The following ZNF488 variants were observed in gnomAD, a reference collection of about 807,000 sequenced individuals.
ZNF488 encodes zinc finger protein 488.
A neutral mutation model predicts 1.2 loss-of-function variants in ZNF488; 1 was observed. The observed-to-expected ratio is 0.86, with a 90% CI of 0.30 to 4.07. The LOEUF (loss-of-function observed/expected upper bound fraction) is 4.07. Among genes scored for constraint, ZNF488 ranks in the 30% most tolerant of loss-of-function variants. ZNF488 has a pLI of 0.18. For synonymous variants in ZNF488, 185 were observed against 190.1 expected (o/e 0.97, Z 0.22); for missense variants, 450 against 437.9 (o/e 1.03, Z -0.25).
At chr10:47,375,528 G>T (rs1326718818) in intron 1 of ZNF488, among the ~76,000 whole-genome samples, 1 of 152,200 alleles carries the variant, frequency 6.6e-6, no homozygotes, top group Non-Finnish European at 1.5e-5. Context: ...TGTCAATAAT[G>T]CAGATTAAAC....
Position 47,367,636 on chromosome 10 carries a change from A to G in ZNF488, c.*171T>C. On this transcript the variant is annotated 3_prime_UTR_variant, in exon 2 of 2. Transcript: ENST00000585316. Reference sequence around the variant, plus strand: ...ATTTCAGGACTTCATTTCCTTCAAAACACATCATGCAGGTGTGGCTTTTTC... The same window carrying G: ...ATTTCAGGACTTCATTTCCTTCAAAGCACATCATGCAGGTGTGGCTTTTTC... 1.3e-6 allele frequency: 1 copy of G among 752,734 alleles called. No homozygotes were observed. The allele number at this position is 752,734 out of a possible 1,614,324, so 46.6% of individuals were successfully genotyped here. A position where few individuals can be genotyped will look rare whatever the true frequency, so the allele number is the denominator to read the frequency against.
intron 1 of ZNF488, among the ~76,000 whole-genome samples, chr10:47,379,901 G>A (rs1447128199): frequency 6.6e-6 from 1 of 151,622 alleles, no homozygotes; most frequent in African/African-American, 2.4e-5. Flanking sequence ...CACACACACT[G>A]CAGCCCACGC....
rs868983235 is a variant in ZNF488, at chr10:47,367,428, G to C, written c.*379C>G. Reference sequence around the variant, plus strand: ...ACAGTGTTATCATCTCCATTTCACAGATGAGAAAATGGGGACTCAGCAGGT... The same window carrying C: ...ACAGTGTTATCATCTCCATTTCACACATGAGAAAATGGGGACTCAGCAGGT... On this transcript the variant is annotated 3_prime_UTR_variant, in exon 2 of 2. Coordinates refer to ENST00000585316, the MANE Select transcript of ZNF488 (RefSeq NM_153034.4). The C allele has an allele frequency of 4.1e-6, 1 of 246,624 alleles. No individual in the cohort carries two copies. Among genetic ancestry groups the C allele is most frequent in the African/African-American group, 2.3e-5 (1 of 43,700 alleles). The allele number at this position is 246,624 out of a possible 1,614,324, so 15.3% of individuals were successfully genotyped here.
In ZNF488 at chr10:47,376,832, AT is replaced by A. The variant is rs1354216372; in HGVS notation, c.-109+7387del. Reference sequence around the variant, plus strand: ...TTATAGATGTCCTCCAGTGGAAATTATAACCCAGTGCTATTTCCCTCCAGAG... The same window carrying A: ...TTATAGATGTCCTCCAGTGGAAATTAAACCCAGTGCTATTTCCCTCCAGAG... On this transcript the variant is annotated intron_variant, in intron 1 of 1. Transcript: ENST00000585316. Among the ~76,000 whole-genome samples, 3 of 152,238 alleles carry A rather than the reference AT, an allele frequency of 2.0e-5. No homozygotes were observed. In the East Asian group the frequency reaches 5.8e-4, roughly 29 times the overall value.
At chr10:47,372,627 T>C (rs1330760744) in intron 1 of ZNF488, among the ~76,000 whole-genome samples, 2 of 152,184 alleles carry the variant, frequency 1.3e-5, no homozygotes, top group Non-Finnish European at 2.9e-5. Context: ...ACCTCCATCG[T>C]TGCCCCAAAT....
chr10:47,369,034 C>G lies in ZNF488; in HGVS notation c.-108-97G>C, dbSNP rs1044828904. The G allele has an allele frequency of 1.8e-5, 11 of 597,516 alleles. No individual in the cohort carries two copies. In the East Asian group the frequency reaches 3.3e-4, roughly 18 times the overall value. The allele number at this position is 597,516 out of a possible 1,614,324, so 37.0% of individuals were successfully genotyped here. A position where few individuals can be genotyped will look rare whatever the true frequency, so the allele number is the denominator to read the frequency against. ...ATCAGACAGGACCCTGATGCTCAGG[C>G]CTCCTCCGCTGTCTGTGGGATGGGT... On this transcript the variant is annotated intron_variant, in intron 1 of 1. Transcript: ENST00000585316.
rs1837252597 is a variant in ZNF488 at position 47,367,280 on chromosome 10, T to A, written c.*527A>T. ...TTGTCTGCCATGGAGATCTTGTTAA[T>A]AACAATAGCTAACTAGTACAGACAT... On this transcript the variant is annotated 3_prime_UTR_variant, in exon 2 of 2. Transcript: ENST00000585316. 5.9e-6 allele frequency: 1 copy of A among 168,428 alleles called. No individual in the cohort carries two copies. The allele number at this position is 168,428 out of a possible 1,614,324, so 10.4% of individuals were successfully genotyped here.
Position 47,367,591 on chromosome 10 carries a change from T to G in ZNF488, c.*216A>C. ...TGCCTGTTAGGGCCTCTACCCTGGA[T>G]TTGCAAAGCCCATCACTTTATTTCA... On this transcript the variant is annotated 3_prime_UTR_variant, in exon 2 of 2. Transcript: ENST00000585316. The G allele has an allele frequency of 1.6e-6, 1 of 628,944 alleles. No homozygotes were observed. Among genetic ancestry groups the G allele is most frequent in the Admixed American group, 3.2e-5 (1 of 30,850 alleles). 39.0% of individuals were successfully genotyped at this position (628,944 alleles called of 1,614,324 possible).
chr10:47,374,585 G>T (rs1837604536), intron 1 of ZNF488, among the ~76,000 whole-genome samples: 2 of 152,166 alleles, frequency 1.3e-5, no homozygotes, highest in Admixed American at 6.5e-5. Flanking sequence ...CTATCATGCA[G>T]CTCATTAAAT....
chr10:47,371,831 G>A (rs77532874), intron 1 of ZNF488, among the ~76,000 whole-genome samples: 210 of 152,158 alleles, frequency 1.4e-3, no homozygotes, highest in African/African-American at 4.9e-3. Context: ...TAGCCCCCAC[G>A]CTGGAGTGCT....
chr10:47,380,637 C>A (rs139437173), intron 1 of ZNF488, among the ~76,000 whole-genome samples: 112 of 152,398 alleles, frequency 7.3e-4, no homozygotes, highest in African/African-American at 2.7e-3. Context: ...GCACACTGAT[C>A]ATTCACTCAT....
chr10:47,368,811 A>G lies in ZNF488; in HGVS notation c.19T>C (p.Cys7Arg), dbSNP rs782412527. Residue 7 changes from cysteine (C) to arginine (R), a missense_variant, in exon 2 of 2, where the codon TGC becomes CGC. Transcript: ENST00000585316. The part of the protein sequence containing the change: MPEWPP[C>R]LSVAPALVIT... ...ACCAGGGCCGGGGCCACAGATAAGC[A>G]AGGTGGCCACTCTGGCATTCATCAG... 4.4e-6 allele frequency: 7 copies of G among 1,594,438 alleles called. No homozygotes were observed. The East Asian group carries it at 1.6e-4, about 36-fold the overall frequency.
Position 47,368,901 on chromosome 10 carries a change from C to T in ZNF488, c.-72G>A. ...AGGAGCCATGAGATATGGAAGCTCC[C>T]CATGACACTGGGCTGGACACACTCG... On this transcript the variant is annotated 5_prime_UTR_variant, in exon 2 of 2. Coordinates refer to ENST00000585316, the MANE Select transcript of ZNF488 (RefSeq NM_153034.4). 6.6e-7 allele frequency: 1 copy of T among 1,510,280 alleles called. No individual in the cohort carries two copies. 93.6% of individuals were successfully genotyped at this position (1,510,280 alleles called of 1,614,324 possible).
At chr10:47,375,006 T>C (rs1239861950) in intron 1 of ZNF488, among the ~76,000 whole-genome samples, 4 of 152,202 alleles carry the variant, frequency 2.6e-5, no homozygotes, top group Admixed American at 2.6e-4. Flanking sequence ...AATGACAGTA[T>C]CTGTTACTGT....
rs782396208 is a variant in ZNF488 at position 47,368,121 on chromosome 10, G to A, written c.709C>T (p.Pro237Ser). 10 of 1,614,194 alleles carry A rather than the reference G, an allele frequency of 6.2e-6. No individual in the cohort carries two copies. The highest frequency in any genetic ancestry group is 1.6e-4 in the Middle Eastern group (1 of 6,062). The change falls in exon 2 of 2, where the codon CCT becomes TCT. Residue 237 changes from proline (P) to serine (S), a missense_variant. Pro to Ser is a moderately conservative substitution (Grantham distance 74). Transcript: ENST00000585316. ...TGGGTATGCTCCAGCCACAGTGTAG[G>A]GGCACCCAGAAAAGTGCTACAGAGT... ...APLCSTFLGA[P>S]TLWLEHTQAQ... is the part of the protein sequence containing the mutation.
At chr10:47,371,504 C>G in intron 1 of ZNF488, among the ~76,000 whole-genome samples, 1 of 152,188 alleles carries the variant, frequency 6.6e-6, no homozygotes, top group East Asian at 1.9e-4. Flanking sequence ...CCATATAATA[C>G]ACTATATATG....
intron 1 of ZNF488, among the ~76,000 whole-genome samples, chr10:47,381,438 A>G (rs1211594066): frequency 6.6e-6 from 1 of 152,002 alleles, no homozygotes; most frequent in Non-Finnish European, 1.5e-5. Context: ...GGGGTTTCCT[A>G]AGAAAGGGAA....
chr10:47,384,267 C>G lies in ZNF488; in HGVS notation c.-156G>C, dbSNP rs1322128706. On this transcript the variant is annotated 5_prime_UTR_variant, in exon 1 of 2. Coordinates refer to ENST00000585316, the MANE Select transcript of ZNF488 (RefSeq NM_153034.4). ...GCAAGAGGTGCTGGTGCAGCACAGC[C>G]TCCTCCCGGCCAAGAGCACTGCGCG... The G allele has an allele frequency of 6.6e-6, 1 of 152,294 alleles. No homozygotes were observed. The highest frequency in any genetic ancestry group is 2.4e-5 in the African/African-American group (1 of 41,470). The allele number at this position is 152,294 out of a possible 1,614,324, so 9.4% of individuals were successfully genotyped here. A position where few individuals can be genotyped will look rare whatever the true frequency, so the allele number is the denominator to read the frequency against.
chr10:47,380,054 T>C (rs1837865177), intron 1 of ZNF488, among the ~76,000 whole-genome samples: 1 of 152,188 alleles, frequency 6.6e-6, no homozygotes, highest in Non-Finnish European at 1.5e-5. Flanking sequence ...GCGATGGATC[T>C]ATGAAGCCCT....
Sources: allele counts gnomAD v4.1 joint callset (sites outside exome capture counted in the v4.1 genomes callset), GRCh38; gene constraint gnomAD v4.1.1; transcripts MANE v1.5; gene names NCBI Gene and HGNC (gene_info 2026-07-23, HGNC 2026-07-21).